ALPK1: variants seen among roughly 807,000 people sequenced by gnomAD.
ALPK1 encodes alpha-protein kinase 1.
A neutral mutation model predicts 120.6 loss-of-function variants in ALPK1; 110 were observed. The ratio of observed to expected loss-of-function variants is 0.91; its 90% CI spans 0.78 to 1.07. ALPK1 has a LOEUF of 1.07. Among genes scored for constraint, ALPK1 ranks in the 50% least tolerant of loss-of-function variants. The pLI is 0.00. For synonymous variants in ALPK1, 582 were observed against 560.3 expected, an observed-to-expected ratio of 1.04 and a Z score of -0.55; for missense variants, 1,498 against 1,483.9, an observed-to-expected ratio of 1.01 and a Z score of -0.16.
Position 112,431,933 on chromosome 4 carries a change from G to A in ALPK1, c.2386G>A (p.Glu796Lys). ...DPEGETAEST[E>K]DAPLDFHRVL... Reference sequence around the variant, plus strand: ...AGAAGGAGAAACAGCAGAAAGCACTGAAGATGCACCCTTAGACTTTCACAG... The same window carrying A: ...AGAAGGAGAAACAGCAGAAAGCACTAAAGATGCACCCTTAGACTTTCACAG... The change falls in exon 11 of 16, where the codon GAA becomes AAA. Residue 796 changes from glutamate to lysine, a missense_variant. Physicochemically the swap from Glu to Lys is moderately conservative, Grantham distance 56. Transcript: ENST00000650871. 3 of 1,614,066 alleles carry A rather than the reference G, an allele frequency of 1.9e-6. No individual in the cohort carries two copies. The South Asian group carries it at 3.3e-5, about 18-fold the overall frequency.
intron 1 of ALPK1, among the ~76,000 whole-genome samples, chr4:112,304,975 C>T (rs1727967087): frequency 6.6e-6 from 1 of 152,036 alleles, no homozygotes; most frequent in Non-Finnish European, 1.5e-5. Context: ...TATGGCTAGC[C>T]AGTTTTCCCA....
chr4:112,364,623 A>G (rs535446672), intron 2 of ALPK1, among the ~76,000 whole-genome samples: 12 of 152,330 alleles, frequency 7.9e-5, no homozygotes, highest in African/African-American at 2.6e-4. Flanking sequence ...ATTCTATCAG[A>G]CATGCAAAGA....
chr4:112,322,480 A>G (rs1728905207), intron 2 of ALPK1, among the ~76,000 whole-genome samples: 1 of 152,234 alleles, frequency 6.6e-6, no homozygotes, highest in Non-Finnish European at 1.5e-5. Context: ...TTTAGCTTGC[A>G]TCTGCTTTTA....
intron 4 of ALPK1, among the ~76,000 whole-genome samples, chr4:112,411,262 T>C (rs1303128936): frequency 6.6e-6 from 1 of 152,252 alleles, no homozygotes; most frequent in Non-Finnish European, 1.5e-5. Flanking sequence ...TCTCGCTCTG[T>C]CGCCCAGGCT....
chr4:112,358,887 T>G (rs757235491), intron 2 of ALPK1: 1 of 771,990 alleles, frequency 1.3e-6, no homozygotes, highest in Non-Finnish European at 2.4e-6. Context: ...CCTGGCGACC[T>G]GTCTTGGCCT....
At chr4:112,434,998 TG>T in intron 11 of ALPK1, 149 bp from the exon 12 acceptor site, 1 of 710,468 alleles carries the variant, frequency 1.4e-6, no homozygotes, top group East Asian at 2.7e-5. Flanking sequence ...ATACTGTAGT[TG>T]TCATAGAAGA....
At chr4:112,401,238 T>C (rs925083584) in intron 4 of ALPK1, among the ~76,000 whole-genome samples, 3 of 152,314 alleles carry the variant, frequency 2.0e-5, no homozygotes, top group East Asian at 1.9e-4. Flanking sequence ...GAATGCTTTT[T>C]AAAAGTTATG....
chr4:112,351,598 C>T (rs960504085), intron 2 of ALPK1, among the ~76,000 whole-genome samples: 3 of 151,988 alleles, frequency 2.0e-5, no homozygotes, highest in African/African-American at 4.8e-5. Context: ...TTCAGCCTCC[C>T]GAGTAACTGA....
chr4:112,318,205 T>C (rs1357908436), intron 2 of ALPK1, among the ~76,000 whole-genome samples: 2 of 152,216 alleles, frequency 1.3e-5, no homozygotes, highest in African/African-American at 4.8e-5. Flanking sequence ...TTCTCTATAG[T>C]TTCTGAAGTT....
intron 2 of ALPK1, among the ~76,000 whole-genome samples, chr4:112,365,180 A>G (rs1207694404): frequency 6.6e-6 from 1 of 152,180 alleles, no homozygotes; most frequent in Non-Finnish European, 1.5e-5. Flanking sequence ...GTTCTATTCA[A>G]CATAGTGCTG....
chr4:112,324,643 A>G (rs942018988), intron 2 of ALPK1, among the ~76,000 whole-genome samples: 4 of 152,060 alleles, frequency 2.6e-5, no homozygotes, highest in African/African-American at 7.3e-5. Context: ...CTACAGGCTA[A>G]TATTTTTATT....
At chr4:112,346,372 C>A (rs1028514054) in intron 2 of ALPK1, among the ~76,000 whole-genome samples, 3 of 152,144 alleles carry the variant, frequency 2.0e-5, no homozygotes, top group Admixed American at 2.0e-4. Context: ...GGACTCTTAA[C>A]GACATTCATT....
intron 4 of ALPK1, among the ~76,000 whole-genome samples, chr4:112,388,504 A>C (rs1039421825): frequency 6.6e-6 from 1 of 152,186 alleles, no homozygotes; most frequent in Non-Finnish European, 1.5e-5. Flanking sequence ...GCCGGTTTTT[A>C]TATTAGTAAT....
At chr4:112,338,373 G>GT (rs1201745247) in intron 2 of ALPK1, among the ~76,000 whole-genome samples, 1 of 152,100 alleles carries the variant, frequency 6.6e-6, no homozygotes, top group South Asian at 2.1e-4. Context: ...AAAGCATAGA[G>GT]TTTTTTTCTA....
chr4:112,402,921 G>T (rs192282185), intron 4 of ALPK1, among the ~76,000 whole-genome samples: 1 of 152,028 alleles, frequency 6.6e-6, no homozygotes, highest in Non-Finnish European at 1.5e-5. Context: ...GTCAGTCGTG[G>T]GCCTAAAAAC....
intron 1 of ALPK1, among the ~76,000 whole-genome samples, chr4:112,312,360 G>A (rs758171971): frequency 2.2e-4 from 33 of 151,930 alleles, no homozygotes; most frequent in African/African-American, 5.6e-4. Context: ...TGCAAGCTCC[G>A]CCTCCCGGGT....
chr4:112,430,280 G>A (rs919019440), intron 10 of ALPK1, among the ~76,000 whole-genome samples, 168 bp from the exon 11 acceptor site: 2 of 152,060 alleles, frequency 1.3e-5, no homozygotes, highest in African/African-American at 2.4e-5. Flanking sequence ...AAAAGGCCTC[G>A]GGTCCTTAAC....
intron 2 of ALPK1, among the ~76,000 whole-genome samples, chr4:112,360,247 C>T (rs1730854233): frequency 6.6e-6 from 1 of 152,100 alleles, no homozygotes; most frequent in Admixed American, 6.6e-5. Context: ...TTGCAGATGA[C>T]AGGATTTCCT....
intron 2 of ALPK1, among the ~76,000 whole-genome samples, chr4:112,370,171 A>G (rs1262523703): frequency 1.3e-5 from 2 of 152,210 alleles, no homozygotes; most frequent in Non-Finnish European, 2.9e-5. Flanking sequence ...ATAATAGCTG[A>G]TTTGTCAATT....
Sources: gnomAD v4.1 joint callset for allele counts (sites outside exome capture counted in the v4.1 genomes callset) on GRCh38, gnomAD v4.1.1 for gene constraint, MANE v1.5 for transcripts, NCBI Gene and HGNC (gene_info 2026-07-23, HGNC 2026-07-21) for gene names.